The following TBC1D22A variants were observed in gnomAD, a reference collection of about 807,000 sequenced individuals.
TBC1D22A encodes the protein TBC1 domain family member 22A, also known as putative GTPase activator.
A neutral mutation model predicts 60.2 loss-of-function variants in TBC1D22A; 38 were observed. The observed-to-expected ratio is 0.63, with a 90% CI of 0.49 to 0.83. The LOEUF is 0.83. Ranked by LOEUF, TBC1D22A falls within the 40% of genes least tolerant of loss-of-function variation. TBC1D22A has a pLI of 0.00. For missense variants in TBC1D22A, 628 were observed against 701.0 expected (o/e 0.90, Z 1.18); for synonymous variants, 302 against 281.7 (o/e 1.07, Z -0.72).
chr22:47,038,275 G>A lies in TBC1D22A; in HGVS notation c.1329+1077G>A, dbSNP rs562402277. Among the ~76,000 whole-genome samples the A allele has an allele frequency of 4.6e-5, 7 of 152,286 alleles. No individual in the cohort carries two copies. In the East Asian group the frequency reaches 1.2e-3, roughly 25 times the overall value. ...ACCACAGTGAGCACAGCCCTTCATC[G>A]GCTGCACGTTCAGGATTTGCAGGGG... On this transcript the variant is annotated intron_variant, in intron 11 of 12. Transcript: ENST00000337137.
At chr22:46,863,560 C>G (rs1419082200) in intron 4 of TBC1D22A, among the ~76,000 whole-genome samples, 1 of 152,184 alleles carries the variant, frequency 6.6e-6, no homozygotes, top group Non-Finnish European at 1.5e-5. Flanking sequence ...AACTAGTCAC[C>G]TCTAGTATTT....
At chr22:47,061,840 C>A (rs529730752) in intron 11 of TBC1D22A, among the ~76,000 whole-genome samples, 120 of 152,258 alleles carry the variant, frequency 7.9e-4, no homozygotes, top group Non-Finnish European at 1.3e-3. Flanking sequence ...GTAATCCCGG[C>A]ACTTTGGGAG....
intron 4 of TBC1D22A, among the ~76,000 whole-genome samples, chr22:46,819,930 A>T (rs1289329492): frequency 1.3e-5 from 2 of 152,182 alleles, no homozygotes; most frequent in East Asian, 1.9e-4. Context: ...TTATTGGTCT[A>T]TTTAGGGATT....
At chr22:47,142,597 CCCATCATCCAT>C (rs2067143694) in intron 12 of TBC1D22A, among the ~76,000 whole-genome samples, 1 of 137,116 alleles carries the variant, frequency 7.3e-6, no homozygotes, top group Admixed American at 7.3e-5. Context: ...CATCCATCCA[CCCATCATCCAT>C]CCATCTGCAC....
At chr22:46,792,784 G>A (rs901135094) in intron 2 of TBC1D22A, 1 of 1,459,840 alleles carries the variant, frequency 6.9e-7, no homozygotes, top group Non-Finnish European at 9.0e-7. Flanking sequence ...GGATGTGGGA[G>A]CCACAGCCTG....
intron 12 of TBC1D22A, among the ~76,000 whole-genome samples, chr22:47,151,060 C>T (rs542788787): frequency 1.2e-3 from 182 of 152,218 alleles, no homozygotes; most frequent in African/African-American, 3.8e-3. Context: ...TCCGCTGTGG[C>T]CCCTCAGAGG....
chr22:47,029,417 G>C (rs781482874), intron 10 of TBC1D22A, among the ~76,000 whole-genome samples: 2 of 152,238 alleles, frequency 1.3e-5, no homozygotes, highest in African/African-American at 4.8e-5. Flanking sequence ...TGGTGACCGG[G>C]GTTTCTATTG....
At chr22:46,793,387 C>T in intron 2 of TBC1D22A, 114 bp from the exon 3 acceptor site, 1 of 1,004,508 alleles carries the variant, frequency 1.0e-6, no homozygotes. Flanking sequence ...CTCACTATTG[C>T]TAGATCAAAG....
intron 4 of TBC1D22A, among the ~76,000 whole-genome samples, chr22:46,819,084 G>C (rs564814054): frequency 2.0e-5 from 3 of 152,194 alleles, no homozygotes; most frequent in Non-Finnish European, 4.4e-5. Context: ...CATTGGTTTT[G>C]TATCCTGAGA....
chr22:46,889,649 A>G (rs12170380), intron 5 of TBC1D22A, among the ~76,000 whole-genome samples: 8,905 of 152,304 alleles, frequency 0.058, 806 homozygotes, highest in African/African-American at 0.2. Context: ...TTCAACGGAC[A>G]CAGCTAGAAA....
chr22:46,862,151 A>G (rs1335475127), intron 4 of TBC1D22A, among the ~76,000 whole-genome samples: 2 of 152,218 alleles, frequency 1.3e-5, no homozygotes, highest in African/African-American at 4.8e-5. Flanking sequence ...GGTGTTAATG[A>G]GTGAGTGTGA....
intron 10 of TBC1D22A, among the ~76,000 whole-genome samples, chr22:47,018,567 A>G (rs1236193800): frequency 6.6e-6 from 1 of 152,048 alleles, no homozygotes; most frequent in Admixed American, 6.5e-5. Context: ...ACACACATTC[A>G]TGTGAGTCAG....
At chr22:46,800,046 T>C (rs2084827750) in intron 4 of TBC1D22A, among the ~76,000 whole-genome samples, 1 of 152,174 alleles carries the variant, frequency 6.6e-6, no homozygotes, top group African/African-American at 2.4e-5. Flanking sequence ...ACCTCACTTT[T>C]TAAGGGAATG....
intron 12 of TBC1D22A, among the ~76,000 whole-genome samples, chr22:47,130,969 G>C (rs1193464048): frequency 1.3e-5 from 2 of 152,216 alleles, no homozygotes; most frequent in Admixed American, 6.5e-5. Context: ...TTCTGGGGAG[G>C]CTTCAGGAAG....
intron 11 of TBC1D22A, among the ~76,000 whole-genome samples, chr22:47,043,499 C>A (rs2062919724): frequency 6.6e-6 from 1 of 152,186 alleles, no homozygotes; most frequent in Admixed American, 6.5e-5. Context: ...AGGCAGCAGC[C>A]CCTGCCACCT....
intron 4 of TBC1D22A, among the ~76,000 whole-genome samples, chr22:46,853,927 C>T (rs1023670573): frequency 1.2e-4 from 18 of 152,196 alleles, no homozygotes; most frequent in Non-Finnish European, 1.8e-4. Context: ...GCCGCATGAC[C>T]TCAGAGGCAT....
At chr22:46,791,082 A>T (rs777379029) in intron 1 of TBC1D22A, among the ~76,000 whole-genome samples, 1 of 151,980 alleles carries the variant, frequency 6.6e-6, no homozygotes, top group Admixed American at 6.6e-5. Flanking sequence ...ACAGGGTCTC[A>T]CTGTGTAACC....
At chr22:46,825,162 G>C (rs562927836) in intron 4 of TBC1D22A, among the ~76,000 whole-genome samples, 1 of 152,296 alleles carries the variant, frequency 6.6e-6, no homozygotes, top group African/African-American at 2.4e-5. Flanking sequence ...GAGTGTCAGG[G>C]ATAATGTAAT....
intron 8 of TBC1D22A, among the ~76,000 whole-genome samples, chr22:46,930,125 G>A (rs2071272941): frequency 6.6e-6 from 1 of 152,152 alleles, no homozygotes; most frequent in South Asian, 2.1e-4. Context: ...TTGGCCTTGA[G>A]CCTGTCTTTG....
Sources: gnomAD v4.1 joint callset for allele counts (sites outside exome capture counted in the v4.1 genomes callset) on GRCh38, gnomAD v4.1.1 for gene constraint, MANE v1.5 for transcripts, NCBI Gene and HGNC (gene_info 2026-07-23, HGNC 2026-07-21) for gene names.